The following LHX6 variants were observed in gnomAD, a reference collection of about 807,000 sequenced individuals.
LHX6 encodes the protein LIM/homeobox protein Lhx6.
Under a neutral mutation model 47.1 loss-of-function variants are expected in LHX6, and 15 were observed. The observed-to-expected ratio is 0.32, with a 90% CI of 0.21 to 0.49. LHX6 has a LOEUF of 0.49. Ranked by LOEUF, LHX6 falls within the 20% of genes least tolerant of loss-of-function variation. The pLI is 0.99. For missense variants in LHX6, 404 were observed against 539.6 expected (o/e 0.75, Z 2.49); for synonymous variants, 242 against 233.5 (o/e 1.04, Z -0.33).
In LHX6 at chr9:122,228,589, GCCCGGCTGGGTCCCGGACCCTGCCCGAC is replaced by G; in HGVS notation, c.84+40_84+67del. On this transcript the variant is annotated intron_variant, in intron 1 of 9. Transcript: ENST00000394319. ...CTGCAACCGCCCGCCACCCTGCTCG[GCCCGGCTGGGTCCCGGACCCTGCCCGAC>G]CCCGGCCCGGGCCGCTCACCCAGTC... is the stretch of plus-strand genomic sequence containing the variant. The G allele has an allele frequency of 2.2e-6, 3 of 1,348,130 alleles. No individual in the cohort carries two copies. The South Asian group carries it at 5.1e-5, about 23-fold the overall frequency. The allele number at this position is 1,348,130 out of a possible 1,614,324, so 83.5% of individuals were successfully genotyped here.
rs1274875133 is a variant in LHX6, at chr9:122,217,520, T to C, written c.462-232A>G. ...GTTTTTCTGAATTTTCCAAATTTTC[T>C]ACGATGGTCACTTATATTTGCATAT... On this transcript the variant is annotated intron_variant, in intron 4 of 9. Transcript: ENST00000394319. The surrounding 1 kb of genome is among the most constrained non-coding windows in gnomAD (Gnocchi z 4.9). 6.6e-6 allele frequency among the ~76,000 whole-genome samples: 1 copy of C among 152,384 alleles called. No homozygotes were observed. The highest frequency in any genetic ancestry group is 1.9e-4 in the East Asian group (1 of 5,196).
At chr9:122,223,537 G>A (rs1258030263) in intron 4 of LHX6, among the ~76,000 whole-genome samples, 1 of 152,108 alleles carries the variant, frequency 6.6e-6, no homozygotes, top group Non-Finnish European at 1.5e-5. Flanking sequence ...CCCAACAGTG[G>A]CCTCTTTGGC....
intron 8 of LHX6, among the ~76,000 whole-genome samples, chr9:122,212,627 C>T (rs1830438352): frequency 6.6e-6 from 1 of 152,172 alleles, no homozygotes; most frequent in South Asian, 2.1e-4. Flanking sequence ...TCACTGAACA[C>T]TCATCCTCCA....
chr9:122,228,661 T>C lies in LHX6; in HGVS notation c.80A>G (p.Asp27Gly), dbSNP rs1210356176. The change falls in exon 1 of 10, where the codon GAC becomes GGC. Residue 27 changes from aspartate (D) to glycine (G), a missense_variant. Around this residue, in one of 7 missense-constraint regions of LHX6, gnomAD observed 144 missense variants for 128.7 expected, o/e 1.12. Coordinates refer to ENST00000394319, the MANE Select transcript of LHX6 (RefSeq NM_014368.5). ...RLPAEGGPAT[D>G]QVMAQPGSGC... is the part of the protein sequence containing the mutation. The stretch of plus-strand genomic sequence containing the variant: ...CCCAGTCGTTCGCCGGCTCACCTGG[T>C]CGGTGGCGGGGCCGCCCTCGGCCGG... The C allele has an allele frequency of 1.5e-6, 2 of 1,295,444 alleles. No homozygotes were observed. Among genetic ancestry groups the C allele is most frequent in the Non-Finnish European group, 2.0e-6 (2 of 1,023,906 alleles). The allele number at this position is 1,295,444 out of a possible 1,614,324, so 80.2% of individuals were successfully genotyped here. A position where few individuals can be genotyped will look rare whatever the true frequency, so the allele number is the denominator to read the frequency against.
Position 122,217,387 on chromosome 9 carries a change from C to T in LHX6, c.462-99G>A. 1 of 952,332 alleles carries T rather than the reference C, an allele frequency of 1.1e-6. No homozygotes were observed. The highest frequency in any genetic ancestry group is 2.6e-5 in the East Asian group (1 of 38,004). The allele number at this position is 952,332 out of a possible 1,614,324, so 59.0% of individuals were successfully genotyped here. On this transcript the variant is annotated intron_variant, in intron 4 of 9. Coordinates refer to ENST00000394319, the MANE Select transcript of LHX6 (RefSeq NM_014368.5). The surrounding 1 kb of genome is among the most constrained non-coding windows in gnomAD (Gnocchi z 4.9). ...GCCCGCCAGCCCCCAGGCTCCTGGCCTCTAAGTCTTCAACTCAGGCATTAG... is the reference window on the plus strand; with the variant it reads ...GCCCGCCAGCCCCCAGGCTCCTGGCTTCTAAGTCTTCAACTCAGGCATTAG...
At chr9:122,221,724 C>T in intron 4 of LHX6, 1 of 985,498 alleles carries the variant, frequency 1.0e-6, no homozygotes, top group Non-Finnish European at 1.2e-6. Context: ...GCAAGATCAC[C>T]CAGGGAGCCA....
chr9:122,228,052 G>A, intron 1 of LHX6: 1 of 437,776 alleles, frequency 2.3e-6, no homozygotes, highest in Non-Finnish European at 4.1e-6. Context: ...AAAAAGAGAT[G>A]GGTGAGGGGC....
At chr9:122,211,705 C>T (rs1470052815) in intron 8 of LHX6, among the ~76,000 whole-genome samples, 1 of 152,210 alleles carries the variant, frequency 6.6e-6, no homozygotes, top group Non-Finnish European at 1.5e-5. Flanking sequence ...GCACCTCAGC[C>T]TCTTCTCTAA....
chr9:122,211,014 T>C (rs748072184), intron 8 of LHX6, among the ~76,000 whole-genome samples: 2 of 152,254 alleles, frequency 1.3e-5, no homozygotes, highest in African/African-American at 2.4e-5. Context: ...TGGCATTTAG[T>C]AGGTACTCTT....
chr9:122,214,207 G>T lies in LHX6; in HGVS notation c.783+76C>A. 7.0e-7 allele frequency: 1 copy of T among 1,426,850 alleles called. No homozygotes were observed. The highest frequency in any genetic ancestry group is 2.6e-5 in the East Asian group (1 of 37,950). 88.4% of individuals were successfully genotyped at this position (1,426,850 alleles called of 1,614,324 possible). A position where few individuals can be genotyped will look rare whatever the true frequency, so the allele number is the denominator to read the frequency against. On this transcript the variant is annotated intron_variant, in intron 6 of 9. Transcript: ENST00000394319. The surrounding 1 kb of genome is among the most constrained non-coding windows in gnomAD (Gnocchi z 4.6). The stretch of plus-strand genomic sequence containing the variant: ...CCACCCGGGTCCGGCCCGAGGGGCG[G>T]AGCCAGGAGACATTGTCGGCCCCGC...
At chr9:122,205,103 C>A (rs531818078) in intron 9 of LHX6, among the ~76,000 whole-genome samples, 67 of 152,340 alleles carry the variant, frequency 4.4e-4, no homozygotes, top group Non-Finnish European at 8.7e-4. Context: ...GAAGCCGCAC[C>A]ATAGCCCCGT....
At chr9:122,222,171 T>C (rs965967490) in intron 4 of LHX6, among the ~76,000 whole-genome samples, 7 of 152,178 alleles carry the variant, frequency 4.6e-5, no homozygotes, top group African/African-American at 1.7e-4. Context: ...GCAGGCATGA[T>C]GTTCCAGCAG....
rs748557824 is a variant in LHX6, at chr9:122,213,890, G to C, written c.879+84C>G. 6.6e-7 allele frequency: 1 copy of C among 1,515,722 alleles called. No homozygotes were observed. The highest frequency in any genetic ancestry group is 1.2e-5 in the South Asian group (1 of 85,636). The allele number at this position is 1,515,722 out of a possible 1,614,324, so 93.9% of individuals were successfully genotyped here. ...GCCTCCTGGAGAAGGATGGCCACGT[G>C]CACGCACCACCCTCCGCGCCGAGCC... On this transcript the variant is annotated intron_variant, in intron 7 of 9. Transcript: ENST00000394319. This position sits in a 1 kb window ranked among gnomAD's most constrained non-coding sequence, Gnocchi z 5.5.
intron 8 of LHX6, among the ~76,000 whole-genome samples, chr9:122,210,684 C>A (rs1830365581): frequency 6.6e-6 from 1 of 152,152 alleles, no homozygotes; most frequent in Non-Finnish European, 1.5e-5. Context: ...ACCTTAGCCT[C>A]CTGAGTAGCT....
rs369678377 is a variant in LHX6, at chr9:122,214,088, G to C, written c.784-19C>G. 10 of 1,591,780 alleles carry C rather than the reference G, an allele frequency of 6.3e-6. No individual in the cohort carries two copies. The highest frequency in any genetic ancestry group is 8.5e-6 in the Non-Finnish European group (10 of 1,174,414). ...GCATAACCTGCGGGGCGGGGAGGGC[G>C]GTGAGGCGCTCGCACGCAGAGACTC... On this transcript the variant is annotated intron_variant, in intron 6 of 9. Transcript: ENST00000394319. The surrounding 1 kb of genome is among the most constrained non-coding windows in gnomAD (Gnocchi z 4.6).
chr9:122,206,291 A>G (rs541835189), intron 9 of LHX6, among the ~76,000 whole-genome samples: 2 of 152,290 alleles, frequency 1.3e-5, no homozygotes, highest in Admixed American at 1.3e-4. Context: ...TTCAGGGGCC[A>G]GCCCCATGGG....
chr9:122,221,860 G>T (rs1251853519), intron 4 of LHX6: 1 of 290,016 alleles, frequency 3.4e-6, no homozygotes, highest in Non-Finnish European at 5.2e-6. Context: ...GTATGGGGGT[G>T]TTTAGGGGCA....
At position 122,213,585 on chromosome 9, in the gene LHX6, C is replaced by T; in HGVS notation, c.1054+21G>A. The T allele has an allele frequency of 6.5e-7, 1 of 1,539,110 alleles. No individual in the cohort carries two copies. The highest frequency in any genetic ancestry group is 8.7e-7 in the Non-Finnish European group (1 of 1,146,514). ...CCCCCTCCCCGCAGGCCCAGCGGCT[C>T]CCGGCGCTGCGGTTACTTACTCTCA... On this transcript the variant is annotated intron_variant, in intron 8 of 9. Transcript: ENST00000394319. This position sits in a 1 kb window ranked among gnomAD's most constrained non-coding sequence, Gnocchi z 5.5.
At chr9:122,228,365 A>C in intron 1 of LHX6, 1 of 1,529,262 alleles carries the variant, frequency 6.5e-7, no homozygotes, top group Non-Finnish European at 8.7e-7. Context: ...CATCGGCGCT[A>C]TCAGCGCCTA....
Sources: gnomAD v4.1 joint callset for allele counts (sites outside exome capture counted in the v4.1 genomes callset) on GRCh38, gnomAD v4.1.1 for gene constraint, gnomAD v4.1.1 regional missense constraint, Gnocchi (gnomAD v3.1) non-coding constraint, MANE v1.5 for transcripts, NCBI Gene and HGNC (gene_info 2026-07-23, HGNC 2026-07-21) for gene names.